PROM1: variants seen among roughly 807,000 people sequenced by gnomAD.
The protein encoded by PROM1 is prominin 1, also known as prominin-1.
PROM1 carries 105 observed loss-of-function variants against 116.9 expected under a neutral mutation model. The observed-to-expected ratio is 0.90, with a 90% CI of 0.77 to 1.06. The LOEUF (loss-of-function observed/expected upper bound fraction) is 1.06, where lower values mean the gene tolerates loss of function less well. Among genes scored for constraint, PROM1 ranks in the 50% least tolerant of loss-of-function variants. The probability of loss-of-function intolerance (pLI) is 0.00; values close to 1 mark genes in which losing one functional copy is unlikely to be tolerated. For missense variants in PROM1, 1,122 were observed against 1,045.2 expected, an observed-to-expected ratio of 1.07 and a Z score of -1.01; for synonymous variants, 393 against 387.0, an observed-to-expected ratio of 1.02 and a Z score of -0.18.
chr4:15,984,364 G>A lies in PROM1; in HGVS notation c.2281-9C>T. The A allele has an allele frequency of 6.5e-7, 1 of 1,532,556 alleles. No individual in the cohort carries two copies. Among genetic ancestry groups the A allele is most frequent in the Non-Finnish European group, 8.8e-7 (1 of 1,134,022 alleles). The allele number at this position is 1,532,556 out of a possible 1,614,324, so 94.9% of individuals were successfully genotyped here. On this transcript the variant is annotated splice_polypyrimidine_tract_variant and intron_variant, in intron 22 of 27. Transcript: ENST00000447510. Reference sequence around the variant, plus strand: ...GCCACTTTCTCACTGATCTAGGGGGGTGGAAACACAGGGAAACTTTGAGCT... The same window carrying A: ...GCCACTTTCTCACTGATCTAGGGGGATGGAAACACAGGGAAACTTTGAGCT...
rs935049069 is a variant in PROM1 at position 15,968,991 on chromosome 4, G to C, written c.*402C>G. 5.3e-5 allele frequency: 8 copies of C among 152,266 alleles called. No individual in the cohort carries two copies. The highest frequency in any genetic ancestry group is 1.9e-4 in the African/African-American group (8 of 41,556). The allele number at this position is 152,266 out of a possible 1,614,324, so 9.4% of individuals were successfully genotyped here. ...ACAAAATGCATCTTTCCTGTAAACT[G>C]GTGTGTGTTCAGCACACTCCACACA... is the stretch of plus-strand genomic sequence containing the variant. On this transcript the variant is annotated 3_prime_UTR_variant, in exon 28 of 28. Coordinates refer to ENST00000447510, the MANE Select transcript of PROM1 (RefSeq NM_006017.3).
chr4:16,029,833 G>T (rs1732235635), intron 5 of PROM1, among the ~76,000 whole-genome samples: 1 of 152,188 alleles, frequency 6.6e-6, no homozygotes, highest in African/African-American at 2.4e-5. Context: ...CACATGCAAA[G>T]ATTATTTCTC....
chr4:16,054,421 T>C (rs1738530122), intron 2 of PROM1, among the ~76,000 whole-genome samples: 1 of 152,164 alleles, frequency 6.6e-6, no homozygotes, highest in Admixed American at 6.5e-5. Flanking sequence ...ACAGCCCTGG[T>C]TTACATCTGC....
intron 2 of PROM1, among the ~76,000 whole-genome samples, chr4:16,058,478 T>A (rs1256400557): frequency 1.3e-5 from 2 of 152,012 alleles, no homozygotes; most frequent in East Asian, 3.9e-4. Context: ...TAAAACCCCA[T>A]CTCTACAGAA....
chr4:16,013,222 T>C, intron 11 of PROM1, 53 bp downstream of exon 11: 1 of 1,408,130 alleles, frequency 7.1e-7, no homozygotes, highest in Non-Finnish European at 1.0e-6. Context: ...TGGCAACACA[T>C]TTCTCTGTAC....
intron 2 of PROM1, among the ~76,000 whole-genome samples, chr4:16,047,201 G>C (rs542184101): frequency 6.6e-6 from 1 of 151,964 alleles, no homozygotes; most frequent in East Asian, 1.9e-4. Flanking sequence ...CTTTATCAAG[G>C]GTACTGCCTT....
At chr4:15,993,641 A>G (rs954308426) in intron 16 of PROM1, among the ~76,000 whole-genome samples, 1 of 152,174 alleles carries the variant, frequency 6.6e-6, no homozygotes, top group African/African-American at 2.4e-5. Context: ...TTGGAGTGAG[A>G]GCCTTCCTGA....
chr4:16,049,328 T>A (rs192308850), intron 2 of PROM1, among the ~76,000 whole-genome samples: 2 of 152,208 alleles, frequency 1.3e-5, no homozygotes, highest in South Asian at 4.1e-4. Flanking sequence ...CCCTGTTCTG[T>A]TCTACATGGA....
intron 2 of PROM1, among the ~76,000 whole-genome samples, chr4:16,067,265 C>T (rs986369523): frequency 1.3e-5 from 2 of 152,230 alleles, no homozygotes; most frequent in African/African-American, 4.8e-5. Context: ...GGTGTGTGAC[C>T]CTAGACACTC....
intron 19 of PROM1, among the ~76,000 whole-genome samples, chr4:15,989,318 C>A (rs148507681): frequency 6.6e-6 from 1 of 152,026 alleles, no homozygotes; most frequent in African/African-American, 2.4e-5. Context: ...GACGAAGCAA[C>A]GCCCATCGAG....
intron 5 of PROM1, 142 bp downstream of exon 5, chr4:16,033,162 T>G: frequency 1.5e-6 from 1 of 687,260 alleles, no homozygotes; most frequent in South Asian, 2.3e-5. Flanking sequence ...CAAGCGCTTG[T>G]GCTCTCTCTT....
chr4:15,992,329 C>A lies in PROM1; in HGVS notation c.1830G>T (p.Leu610Phe), dbSNP rs760120510. The A allele has an allele frequency of 6.2e-7, 1 of 1,613,750 alleles. No individual in the cohort carries two copies. The highest frequency in any genetic ancestry group is 8.5e-7 in the Non-Finnish European group (1 of 1,179,832). ...GAAGGTTTTTTCTTCCTGCTGCACC[C>A]AACAGAAAGATATTAAGATTTACCT... ...SLKVNLNIFL[L>F]GAAGRKNLQD... Residue 610 changes from leucine (L) to phenylalanine (F), a missense_variant, in exon 17 of 28, where the codon TTG (leucine) becomes TTT (phenylalanine). By Grantham distance (22) the Leu-to-Phe change is conservative (BLOSUM62 0). Transcript: ENST00000447510.
intron 25 of PROM1, 107 bp downstream of exon 25, chr4:15,979,774 T>C (rs916459648): frequency 1.5e-5 from 17 of 1,113,946 alleles, no homozygotes; most frequent in Non-Finnish European, 2.1e-5. Context: ...ATCTGCTGTT[T>C]CTACATAATT....
At chr4:15,975,971 T>C (rs1053290845) in intron 26 of PROM1, among the ~76,000 whole-genome samples, 8 of 152,086 alleles carry the variant, frequency 5.3e-5, no homozygotes, top group African/African-American at 1.4e-4. Flanking sequence ...ACACAGAATA[T>C]AGAAAGTAGA....
intron 2 of PROM1, among the ~76,000 whole-genome samples, chr4:16,064,787 G>C (rs1416191655): frequency 6.6e-6 from 1 of 151,972 alleles, no homozygotes; most frequent in Non-Finnish European, 1.5e-5. Flanking sequence ...CTGCTACTCT[G>C]GAAGCAGAGG....
intron 2 of PROM1, among the ~76,000 whole-genome samples, chr4:16,063,403 C>T (rs1740801392): frequency 6.6e-6 from 1 of 152,110 alleles, no homozygotes; most frequent in Admixed American, 6.6e-5. Flanking sequence ...CGAGACCAGC[C>T]TGGCCAACAT....
At chr4:16,033,188 T>G (rs915740194) in intron 5 of PROM1, 116 bp downstream of exon 5, 12 of 911,098 alleles carry the variant, frequency 1.3e-5, no homozygotes, top group African/African-American at 1.7e-5. Context: ...TTTGGTGGGT[T>G]TTTTTTTCAT....
At chr4:15,976,847 G>C (rs150502443) in intron 26 of PROM1, among the ~76,000 whole-genome samples, 2 of 152,274 alleles carry the variant, frequency 1.3e-5, no homozygotes, top group South Asian at 2.1e-4. Context: ...CCTCCAGCTG[G>C]GGGCAGCATG....
chr4:15,994,102 A>T, intron 15 of PROM1, 31 bp from the exon 16 acceptor site: 1 of 1,613,090 alleles, frequency 6.2e-7, no homozygotes, highest in Non-Finnish European at 8.5e-7. Context: ...ATTAGGACCT[A>T]GAAAAGCTGT....
Sources: gnomAD v4.1 joint callset for allele counts (sites outside exome capture counted in the v4.1 genomes callset) on GRCh38, gnomAD v4.1.1 for gene constraint, MANE v1.5 for transcripts, NCBI Gene and HGNC (gene_info 2026-07-23, HGNC 2026-07-21) for gene names.